C2CD4D: variants seen among roughly 807,000 people sequenced by gnomAD.
C2CD4D encodes C2 calcium dependent domain containing 4D.
Under a neutral mutation model 0.2 loss-of-function variants are expected in C2CD4D, and 1 was observed. That is an observed-to-expected ratio of 4.00 (90% CI 1.42 to 18.99). The LOEUF is 18.99. C2CD4D is among the 30% of genes most tolerant of loss of function. C2CD4D has a pLI of 0.11. For missense variants in C2CD4D, 552 were observed against 551.2 expected (o/e 1.00, Z -0.01); for synonymous variants, 269 against 279.8 (o/e 0.96, Z 0.39).
exon 2 of C2CD4D, chr1:151,838,878 C>T (rs930540012): frequency 3.2e-6 from 5 of 1,541,984 alleles, no homozygotes; most frequent in Non-Finnish European, 4.4e-6. Context: ...TTGGGGCAGG[C>T]GCTTGTGGGC....
exon 2 of C2CD4D, chr1:151,838,062 G>C: frequency 1.9e-6 from 3 of 1,551,486 alleles, no homozygotes; most frequent in Non-Finnish European, 2.6e-6. Flanking sequence ...CCCCTGTCTA[G>C]CACCTTGGCT....
exon 2 of C2CD4D, chr1:151,838,434 G>A: frequency 2.8e-6 from 4 of 1,419,672 alleles, no homozygotes; most frequent in South Asian, 1.5e-5. Flanking sequence ...GGCCCGGCGC[G>A]GCGCGGCGAG....
At chr1:151,838,779 C>T (rs1403986244) in exon 2 of C2CD4D, 15 of 1,348,660 alleles carry the variant, frequency 1.1e-5, no homozygotes, top group Non-Finnish European at 1.0e-5. Flanking sequence ...CGCCCCGCCA[C>T]GTGCCGCCGG....
At chr1:151,839,876 C>T (rs1329998132) in intron 1 of C2CD4D, among the ~76,000 whole-genome samples, 56 bp from the exon 1 acceptor site, 1 of 152,208 alleles carries the variant, frequency 6.6e-6, no homozygotes, top group Non-Finnish European at 1.5e-5. Flanking sequence ...CCTTTTCTCC[C>T]TCGGAAACCA....
rs1338893124 is a variant in C2CD4D at position 151,839,141 on chromosome 1, C to T, written c.-152G>A. On this transcript the variant is annotated 5_prime_UTR_variant, in exon 2 of 2. In the 5' UTR this introduces an upstream ATG that the reference lacks. Coordinates refer to ENST00000454109, the Ensembl canonical transcript of C2CD4D. ...CTGGCGTACACCGGGCGGTCAGCCA[C>T]CGCGCCCCGGTCTCCGGACCCACTG... is the stretch of plus-strand genomic sequence containing the variant. 2.4e-6 allele frequency: 2 copies of T among 823,366 alleles called. No homozygotes were observed. Among genetic ancestry groups the T allele is most frequent in the Non-Finnish European group, 1.8e-6 (1 of 552,900 alleles). The allele number at this position is 823,366 out of a possible 1,614,324, so 51.0% of individuals were successfully genotyped here.
At chr1:151,839,693 T>C (rs1652725739) in intron 1 of C2CD4D, among the ~76,000 whole-genome samples, 1 of 152,020 alleles carries the variant, frequency 6.6e-6, no homozygotes, top group Non-Finnish European at 1.5e-5. Context: ...GGGACACACC[T>C]GGCTGCTGAC....
chr1:151,837,901 A>T (rs1425419384), exon 2 of C2CD4D: 2 of 1,485,502 alleles, frequency 1.3e-6, no homozygotes, highest in Non-Finnish European at 9.0e-7. Flanking sequence ...CACAGTGGAG[A>T]CGTCCTGAGG....
chr1:151,839,255 G>A (rs779942986), intron 1 of C2CD4D, 35 bp from the exon 2 acceptor site: 7 of 507,776 alleles, frequency 1.4e-5, no homozygotes, highest in Non-Finnish European at 2.4e-5. Context: ...GGGCCAGTCA[G>A]TCACATTTTC....
At chr1:151,838,597 G>A in exon 2 of C2CD4D, 1 of 1,315,722 alleles carries the variant, frequency 7.6e-7, no homozygotes, top group Non-Finnish European at 9.6e-7. Context: ...AGAGGCGCAG[G>A]TCCGGGGCGG....
chr1:151,838,359 C>A (rs1356541993), exon 2 of C2CD4D: 6 of 1,429,314 alleles, frequency 4.2e-6, no homozygotes, highest in East Asian at 3.1e-5. Context: ...AGGCGCAGCA[C>A]GCTCTCGCGC....
Position 151,839,053 on chromosome 1 carries a change from G to T in C2CD4D, c.-64C>A. 1 of 1,518,150 alleles carries T rather than the reference G, an allele frequency of 6.6e-7. No homozygotes were observed. The highest frequency in any genetic ancestry group is 8.9e-7 in the Non-Finnish European group (1 of 1,123,028). The allele number at this position is 1,518,150 out of a possible 1,614,324, so 94.0% of individuals were successfully genotyped here. On this transcript the variant is annotated 5_prime_UTR_variant, in exon 2 of 2. It adds an upstream start codon to the 5' untranslated region. Coordinates refer to ENST00000454109, the Ensembl canonical transcript of C2CD4D. ...CCGAGAGGGTCCAAATCCCGTCTCA[G>T]ATGGGAGTGCTCGGCGGAGCGGGGC...
chr1:151,838,101 G>T, exon 2 of C2CD4D: 3 of 1,551,374 alleles, frequency 1.9e-6, no homozygotes, highest in Non-Finnish European at 8.7e-7. Flanking sequence ...AGGTCCGGGG[G>T]GCCGAGCCCG....
exon 2 of C2CD4D, chr1:151,838,611 C>T (rs1374460291): frequency 7.6e-7 from 1 of 1,310,342 alleles, no homozygotes; most frequent in East Asian, 3.2e-5. Flanking sequence ...GGGGCGGAGA[C>T]GTGCAGCCGG....
At chr1:151,837,991 C>T (rs769225898) in exon 2 of C2CD4D, 2 of 1,550,276 alleles carry the variant, frequency 1.3e-6, no homozygotes, top group South Asian at 2.4e-5. Context: ...CCAGCGGGGG[C>T]AGCAGCGCAA....
chr1:151,838,933 A>G (rs756812351), exon 2 of C2CD4D: 108 of 1,549,816 alleles, frequency 7.0e-5, no homozygotes, highest in Admixed American at 3.5e-4. Context: ...AAGGCGCCCA[A>G]CGGGCCGCAG....
exon 2 of C2CD4D, chr1:151,839,179 C>T (rs1652701021): frequency 1.7e-6 from 1 of 583,464 alleles, no homozygotes; most frequent in African/African-American, 2.0e-5. Context: ...AGCGCGGACC[C>T]CTATTTGAGC....
chr1:151,838,612 G>C, exon 2 of C2CD4D: 3 of 1,315,130 alleles, frequency 2.3e-6, no homozygotes, highest in Non-Finnish European at 2.9e-6. Context: ...GGGCGGAGAC[G>C]TGCAGCCGGG....
intron 1 of C2CD4D, among the ~76,000 whole-genome samples, chr1:151,839,770 G>T (rs958719129): frequency 6.6e-5 from 10 of 152,268 alleles, no homozygotes; most frequent in Middle Eastern, 3.4e-3. Flanking sequence ...ACCCCCAGTA[G>T]CCCTGACCGT....
In C2CD4D at chr1:151,838,952, G is replaced by GCC. The variant is rs1393377304; in HGVS notation, c.36_37dup (p.Ala13GlyfsTer227). 6.5e-7 allele frequency: 1 copy of GCC among 1,550,144 alleles called. No individual in the cohort carries two copies. Among genetic ancestry groups the GCC allele is most frequent in the South Asian group, 1.2e-5 (1 of 84,054 alleles). ...CGCCCAACGGGCCGCAGGCTCCGCG[G>GCC]CCCCCACCTTATAGCCAGCTTTTTC... On this transcript the variant is annotated frameshift_variant, in exon 2 of 2. Coordinates refer to ENST00000454109, the Ensembl canonical transcript of C2CD4D. LOFTEE classifies it low-confidence loss of function (END_TRUNC).
Sources: allele counts gnomAD v4.1 joint callset (sites outside exome capture counted in the v4.1 genomes callset), GRCh38; gene constraint gnomAD v4.1.1; transcripts MANE v1.5; gene names NCBI Gene and HGNC (gene_info 2026-07-23, HGNC 2026-07-21).